Variants in DLG2 observed in about 807,000 individuals in gnomAD.
The protein encoded by DLG2 is discs large MAGUK scaffold protein 2.
A neutral mutation model predicts 132.5 loss-of-function variants in DLG2; 45 were observed. The observed-to-expected ratio is 0.34, with a 90% CI of 0.27 to 0.44. DLG2 has a LOEUF of 0.44. Ranked by LOEUF, DLG2 falls within the 20% of genes least tolerant of loss-of-function variation. The pLI is 1.00. For synonymous variants in DLG2, 424 were observed against 419.6 expected (o/e 1.01, Z -0.13); for missense variants, 1,045 against 1,196.9 (o/e 0.87, Z 1.87).
intron 9 of DLG2, among the ~76,000 whole-genome samples, chr11:84,122,749 A>C: frequency 6.6e-6 from 1 of 152,204 alleles, no homozygotes; most frequent in East Asian, 1.9e-4. Flanking sequence ...ATTCAATTTG[A>C]GGTAGCAAAT....
intron 4 of DLG2, among the ~76,000 whole-genome samples, chr11:85,210,633 C>A (rs1051608395): frequency 1.3e-5 from 2 of 152,044 alleles, no homozygotes; most frequent in Non-Finnish European, 2.9e-5. Flanking sequence ...GACTGACAGT[C>A]CCAACTGTCT....
At chr11:83,816,907 C>G (rs1417310521) in intron 17 of DLG2, among the ~76,000 whole-genome samples, 1 of 152,096 alleles carries the variant, frequency 6.6e-6, no homozygotes, top group Non-Finnish European at 1.5e-5. Flanking sequence ...TTCCTGTCAG[C>G]TGGAAACCTT....
intron 3 of DLG2, among the ~76,000 whole-genome samples, chr11:85,310,486 C>G (rs577735757): frequency 1.3e-5 from 2 of 152,320 alleles, no homozygotes; most frequent in Admixed American, 1.3e-4. Context: ...CAACAAGGGA[C>G]TGTCCCTTCA....
intron 16 of DLG2, among the ~76,000 whole-genome samples, chr11:83,864,887 C>A (rs991953361): frequency 6.6e-6 from 1 of 152,072 alleles, no homozygotes; most frequent in Middle Eastern, 3.2e-3. Flanking sequence ...TGAAGGCTGA[C>A]AAATGATACC....
chr11:85,520,902 A>G (rs2153176597), intron 3 of DLG2, among the ~76,000 whole-genome samples: 1 of 152,298 alleles, frequency 6.6e-6, no homozygotes, highest in Admixed American at 6.5e-5. Flanking sequence ...GCTTCAAACT[A>G]TAAAATTACT....
At chr11:83,962,103 A>C (rs922125781) in intron 14 of DLG2, among the ~76,000 whole-genome samples, 2 of 152,038 alleles carry the variant, frequency 1.3e-5, no homozygotes, top group African/African-American at 4.8e-5. Flanking sequence ...TTAGACAGGC[A>C]GGGTATAAAA....
intron 7 of DLG2, among the ~76,000 whole-genome samples, chr11:84,419,622 T>A (rs1195865775): frequency 2.6e-5 from 4 of 152,034 alleles, no homozygotes; most frequent in African/African-American, 9.7e-5. Context: ...AACTAGACAA[T>A]AAATTATATC....
At chr11:84,459,755 G>T (rs976471970) in intron 7 of DLG2, among the ~76,000 whole-genome samples, 2 of 150,342 alleles carry the variant, frequency 1.3e-5, no homozygotes, top group Non-Finnish European at 3.0e-5. Flanking sequence ...TCCATTTTTT[G>T]AAGTAGTTAG....
chr11:84,632,463 G>A (rs1352875367), intron 6 of DLG2, among the ~76,000 whole-genome samples: 2 of 152,154 alleles, frequency 1.3e-5, no homozygotes, highest in East Asian at 1.9e-4. Flanking sequence ...CTCCGTTTGA[G>A]AGTAGAGTGA....
chr11:83,511,055 C>A (rs1345317691), intron 21 of DLG2, among the ~76,000 whole-genome samples: 1 of 142,952 alleles, frequency 7.0e-6, no homozygotes, highest in Non-Finnish European at 1.5e-5. Flanking sequence ...CCCTCTCTGT[C>A]TTCCTCTCAC....
intron 6 of DLG2, among the ~76,000 whole-genome samples, chr11:84,914,850 T>C (rs988607808): frequency 6.6e-6 from 1 of 152,178 alleles, no homozygotes; most frequent in African/African-American, 2.4e-5. Flanking sequence ...CTTGGGGTTA[T>C]TGTGAAGATG....
At chr11:84,732,944 T>A (rs564481287) in intron 6 of DLG2, among the ~76,000 whole-genome samples, 15 of 152,246 alleles carry the variant, frequency 9.9e-5, no homozygotes, top group African/African-American at 3.1e-4. Context: ...TCCAGCTTCA[T>A]CCATGTCCCT....
chr11:84,802,433 G>A lies in DLG2; in HGVS notation c.358-267702C>T, dbSNP rs1466537025. Among the ~76,000 whole-genome samples the A allele has an allele frequency of 2.0e-5, 3 of 152,126 alleles. No homozygotes were observed. In the East Asian group the frequency reaches 5.8e-4, roughly 29 times the overall value. ...ACTATCCCTAAGGATTAGGGCAAGA[G>A]AGAAGAAATAGGGAGTTACAGTCTG... On this transcript the variant is annotated intron_variant, in intron 6 of 27. Coordinates refer to ENST00000376104, the MANE Select transcript of DLG2 (RefSeq NM_001142699.3).
At chr11:85,036,911 GA>G (rs142493230) in intron 6 of DLG2, among the ~76,000 whole-genome samples, 1,676 of 152,288 alleles carry the variant, frequency 0.011, 31 homozygotes, top group African/African-American at 0.038. Flanking sequence ...TAGCTTGAGA[GA>G]AAGACTGCAA....
intron 18 of DLG2, among the ~76,000 whole-genome samples, chr11:83,670,330 A>T (rs1293240235): frequency 6.6e-6 from 1 of 152,026 alleles, no homozygotes; most frequent in African/African-American, 2.4e-5. Flanking sequence ...GTCAACAAAC[A>T]TCTACCAAGC....
intron 18 of DLG2, among the ~76,000 whole-genome samples, chr11:83,728,173 C>T (rs913523325): frequency 2.6e-5 from 4 of 152,166 alleles, no homozygotes; most frequent in South Asian, 4.1e-4. Flanking sequence ...TCTTATGTCA[C>T]GTTCCCTTAG....
At chr11:83,654,932 G>A (rs1208004594) in intron 18 of DLG2, among the ~76,000 whole-genome samples, 3 of 152,186 alleles carry the variant, frequency 2.0e-5, no homozygotes, top group African/African-American at 7.2e-5. Context: ...CCAGGTGCAG[G>A]ACAAGAGAAA....
chr11:83,467,810 T>TATATATATATATATATATACAC (rs1414160515), intron 25 of DLG2, among the ~76,000 whole-genome samples: 1 of 96,308 alleles, frequency 1.0e-5, no homozygotes, highest in Non-Finnish European at 2.0e-5. Flanking sequence ...TATATATATA[T>TATATATATATATATATATACAC]ACACACACAC....
chr11:85,270,788 CT>C (rs1292138287), intron 4 of DLG2, among the ~76,000 whole-genome samples: 1 of 152,120 alleles, frequency 6.6e-6, no homozygotes, highest in Non-Finnish European at 1.5e-5. Flanking sequence ...ATTTGTGGAA[CT>C]TTGAACTTAA....
Sources: gnomAD v4.1 joint callset for allele counts (sites outside exome capture counted in the v4.1 genomes callset) on GRCh38, gnomAD v4.1.1 for gene constraint, MANE v1.5 for transcripts, NCBI Gene and HGNC (gene_info 2026-07-23, HGNC 2026-07-21) for gene names.